SPATA13: variants seen among roughly 807,000 people sequenced by gnomAD.
The protein encoded by SPATA13 is spermatogenesis associated 13, also known as spermatogenesis-associated protein 13.
Under a neutral mutation model 104.0 loss-of-function variants are expected in SPATA13, and 50 were observed. That is an observed-to-expected ratio of 0.48 (90% confidence interval 0.38 to 0.61). The LOEUF is 0.61. SPATA13 is among the 20% of genes least tolerant of loss of function. The probability of loss-of-function intolerance (pLI) is 0.00; values close to 1 mark genes in which losing one functional copy is unlikely to be tolerated. For missense variants in SPATA13, 1,524 were observed against 1,690.6 expected (o/e 0.90, Z 1.73); for synonymous variants, 606 against 667.5 (o/e 0.91, Z 1.42).
At chr13:24,271,259 GGTTTTGCTGCTGATATTGTTACTA>G (rs1874590161) in intron 4 of SPATA13, among the ~76,000 whole-genome samples, 1 of 151,916 alleles carries the variant, frequency 6.6e-6, no homozygotes, top group South Asian at 2.1e-4. Context: ...AAGGGGTCTG[GGTTTTGCTGCTGATATTGTTACTA>G]GTTTTGCTGC....
intron 1 of SPATA13, among the ~76,000 whole-genome samples, chr13:24,197,027 G>A (rs569217499): frequency 3.3e-5 from 5 of 152,258 alleles, no homozygotes; most frequent in East Asian, 1.9e-4. Flanking sequence ...TCTTAACTTC[G>A]TGATAAAAGT....
chr13:24,223,682 G>C lies in SPATA13; in HGVS notation c.753G>C (p.Arg251Ser). The change falls in exon 2 of 13, where the codon AGG becomes AGC. Residue 251 changes from arginine to serine, a missense_variant. Arg to Ser is a moderately radical substitution (Grantham distance 110). Transcript: ENST00000382108. ...DPENNSMGYR[R>S]SKSTDNLAFL... ...AAAACAACAGCATGGGCTACAGGAG[G>C]AGCAAGAGCACGGACAATCTTGCCT... The C allele has an allele frequency of 6.4e-7, 1 of 1,552,242 alleles. No homozygotes were observed. Among genetic ancestry groups the C allele is most frequent in the Non-Finnish European group, 8.7e-7 (1 of 1,147,120 alleles).
At position 24,161,499 on chromosome 13, in the gene SPATA13, G is replaced by T. The variant is rs776873248; in HGVS notation, c.-112+567G>T. 2.6e-5 allele frequency among the ~76,000 whole-genome samples: 4 copies of T among 152,216 alleles called. No individual in the cohort carries two copies. Among genetic ancestry groups the T allele is most frequent in the East Asian group, 1.9e-4 (1 of 5,194 alleles). The stretch of plus-strand genomic sequence containing the variant: ...ACCCGGTGCCCATCGTCTGTGGACT[G>T]CAGGGAATGCATTGGCGGAGTTGGT... On this transcript the variant is annotated intron_variant, in intron 1 of 12. Transcript: ENST00000382108. The surrounding 1 kb of genome is among the most constrained non-coding windows in gnomAD (Gnocchi z 4.5).
Position 24,051,648 on chromosome 13 carries a change from G to A in SPATA13, c.-112+33947G>A, listed in dbSNP as rs1385924934. ...GCTCCCTGTTTGGGGATGGAGGGGT[G>A]GGGACTTAGGGGCAAGGGGAAGCTG... On this transcript the variant is annotated intron_variant, in intron 3 of 14. Transcript: ENST00000424834. This position sits in a 1 kb window ranked among gnomAD's most constrained non-coding sequence, Gnocchi z 4.2. 1.3e-5 allele frequency among the ~76,000 whole-genome samples: 2 copies of A among 152,120 alleles called. No homozygotes were observed. Among genetic ancestry groups the A allele is most frequent in the African/African-American group, 4.8e-5 (2 of 41,432 alleles).
intron 3 of SPATA13, among the ~76,000 whole-genome samples, chr13:24,023,761 A>C (rs2137704018): frequency 6.6e-6 from 1 of 152,316 alleles, no homozygotes; most frequent in East Asian, 1.9e-4. Flanking sequence ...GGCGCCTCTC[A>C]AAGCTGGGAA....
At chr13:24,194,547 T>C (rs935199107) in intron 1 of SPATA13, among the ~76,000 whole-genome samples, 1 of 152,168 alleles carries the variant, frequency 6.6e-6, no homozygotes, top group Non-Finnish European at 1.5e-5. Context: ...ATTTTACAAC[T>C]TCTGAATCCG....
chr13:24,045,825 C>A (rs942377521), intron 3 of SPATA13, among the ~76,000 whole-genome samples: 14 of 152,316 alleles, frequency 9.2e-5, no homozygotes, highest in African/African-American at 3.4e-4. Flanking sequence ...CTGCCTTCCT[C>A]ACCTCCTCAT....
At chr13:24,090,136 CT>C (rs1473517390) in intron 3 of SPATA13, among the ~76,000 whole-genome samples, 1 of 152,054 alleles carries the variant, frequency 6.6e-6, no homozygotes, top group African/African-American at 2.4e-5. Flanking sequence ...TCTTCTAAAT[CT>C]GGCAAGTGTA....
rs1002999509 is a variant in SPATA13 at position 24,088,740 on chromosome 13, G to T, written c.-112+71039G>T. 2.0e-5 allele frequency among the ~76,000 whole-genome samples: 3 copies of T among 152,188 alleles called. No individual in the cohort carries two copies. Among genetic ancestry groups the T allele is most frequent in the African/African-American group, 7.2e-5 (3 of 41,448 alleles). ...TCTCACTGAGAGCTGCGTTTCCAGG[G>T]CCAGGTGCTGAGCCAGTTCTGAGAG... On this transcript the variant is annotated intron_variant, in intron 3 of 14. Transcript: ENST00000424834. The surrounding 1 kb of genome is among the most constrained non-coding windows in gnomAD (Gnocchi z 4.3).
intron 3 of SPATA13, among the ~76,000 whole-genome samples, chr13:24,128,631 G>A (rs997838627): frequency 2.6e-5 from 4 of 151,760 alleles, no homozygotes; most frequent in African/African-American, 9.7e-5. Flanking sequence ...AACACTCCTC[G>A]CTGATGTGGA....
chr13:24,072,448 G>A (rs1016452611), intron 3 of SPATA13, among the ~76,000 whole-genome samples: 1 of 152,184 alleles, frequency 6.6e-6, no homozygotes, highest in Non-Finnish European at 1.5e-5. Context: ...CACAGTATGT[G>A]CTCGTGGCAG....
intron 3 of SPATA13, among the ~76,000 whole-genome samples, chr13:24,095,912 A>C (rs1880062962): frequency 6.6e-6 from 1 of 152,226 alleles, no homozygotes; most frequent in African/African-American, 2.4e-5. Flanking sequence ...TATCACACCC[A>C]GGTTCCTTCA....
At chr13:24,144,618 G>A (rs1332441858) in intron 3 of SPATA13, among the ~76,000 whole-genome samples, 1 of 152,116 alleles carries the variant, frequency 6.6e-6, no homozygotes, top group East Asian at 1.9e-4. Context: ...GCAGGTTGCT[G>A]CCATTGTGCC....
intron 1 of SPATA13, among the ~76,000 whole-genome samples, chr13:24,195,245 AT>A (rs113803486): frequency 6.6e-6 from 1 of 152,098 alleles, no homozygotes; most frequent in Admixed American, 6.5e-5. Flanking sequence ...CTTAGATAAT[AT>A]TTTCAGTGTG....
intron 11 of SPATA13, among the ~76,000 whole-genome samples, chr13:24,299,276 G>A (rs949957341): frequency 5.3e-5 from 8 of 152,180 alleles, no homozygotes; most frequent in Non-Finnish European, 8.8e-5. Flanking sequence ...GGAGGGGCCC[G>A]ATGTGGTGCC....
intron 3 of SPATA13, among the ~76,000 whole-genome samples, chr13:24,081,711 T>TA (rs35757898): frequency 0.5 from 76,278 of 151,970 alleles, 20,442 homozygotes; most frequent in Non-Finnish European, 0.6. Flanking sequence ...AGCATAAATT[T>TA]AAAAAAAATT....
At chr13:24,138,644 C>T (rs904835155) in intron 3 of SPATA13, among the ~76,000 whole-genome samples, 9 of 152,048 alleles carry the variant, frequency 5.9e-5, no homozygotes, top group South Asian at 2.1e-4. Flanking sequence ...AGTACAGTGG[C>T]GCTATCACAG....
intron 3 of SPATA13, among the ~76,000 whole-genome samples, chr13:24,155,392 A>G (rs2138476017): frequency 6.6e-6 from 1 of 152,284 alleles, no homozygotes; most frequent in Non-Finnish European, 1.5e-5. Flanking sequence ...TTTAATAAAG[A>G]AGACAGGTTT....
chr13:24,036,057 T>C (rs1468851764), intron 3 of SPATA13, among the ~76,000 whole-genome samples: 5 of 150,570 alleles, frequency 3.3e-5, no homozygotes, highest in African/African-American at 2.4e-5. Context: ...AACCTGAGGA[T>C]CCTATGCAGC....
Sources: allele counts gnomAD v4.1 joint callset (sites outside exome capture counted in the v4.1 genomes callset), GRCh38; gene constraint gnomAD v4.1.1; non-coding constraint Gnocchi (gnomAD v3.1); transcripts MANE v1.5; gene names NCBI Gene and HGNC (gene_info 2026-07-23, HGNC 2026-07-21).